Variants in SLC4A10 observed in about 807,000 individuals in gnomAD.
SLC4A10 encodes solute carrier family 4 member 10, also known as sodium-driven chloride bicarbonate exchanger.
SLC4A10 carries 42 observed loss-of-function variants against 137.7 expected under a neutral mutation model. The observed-to-expected ratio is 0.30, with a 90% CI of 0.24 to 0.39. The LOEUF is 0.39. Among genes scored for constraint, SLC4A10 ranks in the 10% least tolerant of loss-of-function variants. SLC4A10 has a pLI of 1.00. For synonymous variants in SLC4A10, 474 were observed against 464.1 expected (o/e 1.02, Z -0.27); for missense variants, 925 against 1,355.0 (o/e 0.68, Z 4.98).
rs1426543298 is a variant in SLC4A10 at position 161,873,666 on chromosome 2, A to G, written c.859-250A>G. 19 of 310,300 alleles carry G rather than the reference A, an allele frequency of 6.1e-5. No individual in the cohort carries two copies. The East Asian group carries it at 9.9e-4, about 16-fold the overall frequency. 19.2% of individuals were successfully genotyped at this position (310,300 alleles called of 1,614,324 possible). A position where few individuals can be genotyped will look rare whatever the true frequency, so the allele number is the denominator to read the frequency against. ...AGTAACTCAGAGTAATATTTTAATAAAGCCCTTAGCACTGGCAATAATTAT... is the reference window on the plus strand; with the variant it reads ...AGTAACTCAGAGTAATATTTTAATAGAGCCCTTAGCACTGGCAATAATTAT... On this transcript the variant is annotated intron_variant, in intron 7 of 26. Coordinates refer to ENST00000446997, the MANE Select transcript of SLC4A10 (RefSeq NM_001178015.2).
At chr2:161,687,685 C>T (rs191992571) in intron 1 of SLC4A10, among the ~76,000 whole-genome samples, 2 of 152,146 alleles carry the variant, frequency 1.3e-5, no homozygotes, top group Admixed American at 6.5e-5. Context: ...ATAATCCCAA[C>T]GTGTCAAGGT....
chr2:161,876,599 G>T (rs966437177), intron 8 of SLC4A10, among the ~76,000 whole-genome samples: 1 of 152,230 alleles, frequency 6.6e-6, no homozygotes, highest in East Asian at 1.9e-4. Flanking sequence ...GATCAGGATG[G>T]CTTGAGCCAG....
intron 1 of SLC4A10, among the ~76,000 whole-genome samples, chr2:161,645,130 T>C (rs1683016152): frequency 6.6e-6 from 1 of 152,118 alleles, no homozygotes; most frequent in South Asian, 2.1e-4. Context: ...AAGTTGTCCT[T>C]AAAAAGGAAA....
rs574482342 is a variant in SLC4A10, at chr2:161,660,556, ATTTCTTTCTTTCTTTCTTTCTTTCTTTC to A, written c.48+36033_48+36060del. On this transcript the variant is annotated intron_variant, in intron 1 of 26. Transcript: ENST00000446997. Reference sequence around the variant, plus strand: ...ATTAATAGTTTGTGTACTCATCTATATTTCTTTCTTTCTTTCTTTCTTTCTTTCTTTCTTTCTTTCTTTCTTTCTTTCT... The same window carrying A: ...ATTAATAGTTTGTGTACTCATCTATATTTCTTTCTTTCTTTCTTTCTTTCT... Among the ~76,000 whole-genome samples, 19 of 110,436 alleles carry A rather than the reference ATTTCTTTCTTTCTTTCTTTCTTTCTTTC, an allele frequency of 1.7e-4. 1 individual carries two copies. Among genetic ancestry groups the A allele is most frequent in the Admixed American group, 1.1e-3 (12 of 10,774 alleles). The allele number at this position is 110,436 out of a possible 152,430, so 72.5% of individuals were successfully genotyped here. A position where few individuals can be genotyped will look rare whatever the true frequency, so the allele number is the denominator to read the frequency against.
chr2:161,905,314 C>G (rs1195594356), intron 14 of SLC4A10, among the ~76,000 whole-genome samples: 3 of 152,144 alleles, frequency 2.0e-5, no homozygotes, highest in African/African-American at 7.2e-5. Context: ...AAGGAGCACA[C>G]AATCTAGATT....
chr2:161,759,709 A>T lies in SLC4A10; in HGVS notation c.49-11264A>T, dbSNP rs370198695. Among the ~76,000 whole-genome samples the T allele has an allele frequency of 2.1e-3, 315 of 151,900 alleles. 1 individual carries two copies. The highest frequency in any genetic ancestry group is 7.2e-3 in the African/African-American group (298 of 41,488). ...TTTAAAATTAAGTTCTTTAAAAAAA[A>T]TTTTGCTATTGAGTTGTATTAGTTT... On this transcript the variant is annotated intron_variant, in intron 1 of 26. Coordinates refer to ENST00000446997, the MANE Select transcript of SLC4A10 (RefSeq NM_001178015.2).
chr2:161,971,831 G>A (rs1294066105), intron 23 of SLC4A10, among the ~76,000 whole-genome samples: 2 of 152,180 alleles, frequency 1.3e-5, no homozygotes, highest in Non-Finnish European at 2.9e-5. Flanking sequence ...ATCTTTAGAG[G>A]TGATGAGTTT....
chr2:161,875,858 T>C (rs1269274770), intron 8 of SLC4A10, among the ~76,000 whole-genome samples: 1 of 152,234 alleles, frequency 6.6e-6, no homozygotes, highest in Non-Finnish European at 1.5e-5. Flanking sequence ...TCAAGATCAC[T>C]GGCGAGTTAG....
At chr2:161,625,977 T>TA (rs890829272) in intron 1 of SLC4A10, among the ~76,000 whole-genome samples, 28 of 152,212 alleles carry the variant, frequency 1.8e-4, no homozygotes, top group African/African-American at 6.7e-4. Context: ...AGTGGAGTTA[T>TA]AAAAAAATAC....
intron 3 of SLC4A10, among the ~76,000 whole-genome samples, chr2:161,812,313 C>T (rs867191756): frequency 6.6e-6 from 1 of 152,042 alleles, no homozygotes. Flanking sequence ...TTTGTGAAGA[C>T]TTTCTTTGCT....
At chr2:161,885,047 A>T (rs1362183221) in intron 10 of SLC4A10, among the ~76,000 whole-genome samples, 1 of 152,042 alleles carries the variant, frequency 6.6e-6, no homozygotes, top group African/African-American at 2.4e-5. Context: ...GTGTGGTGGC[A>T]GGTGCCTGTG....
At chr2:161,935,303 A>G (rs189667618) in intron 15 of SLC4A10, among the ~76,000 whole-genome samples, 1 of 152,262 alleles carries the variant, frequency 6.6e-6, no homozygotes, top group African/African-American at 2.4e-5. Flanking sequence ...TGTATTTTGA[A>G]GTTTGATATT....
chr2:161,831,714 T>C (rs985004391), intron 3 of SLC4A10, among the ~76,000 whole-genome samples: 5 of 152,182 alleles, frequency 3.3e-5, no homozygotes, highest in Non-Finnish European at 7.4e-5. Context: ...GAATTCTTTT[T>C]TCCCCCCTCA....
intron 1 of SLC4A10, among the ~76,000 whole-genome samples, chr2:161,753,669 G>T (rs889046074): frequency 2.6e-5 from 4 of 152,022 alleles, no homozygotes; most frequent in Non-Finnish European, 5.9e-5. Context: ...TTTGATGAAA[G>T]AGTGACCGAT....
At chr2:161,865,150 C>T (rs998616170) in intron 6 of SLC4A10, among the ~76,000 whole-genome samples, 2 of 151,738 alleles carry the variant, frequency 1.3e-5, no homozygotes, top group Non-Finnish European at 2.9e-5. Flanking sequence ...TTTACTATAA[C>T]AATAATTTCA....
intron 1 of SLC4A10, among the ~76,000 whole-genome samples, chr2:161,719,372 A>G (rs1378650956): frequency 2.6e-5 from 4 of 152,188 alleles, no homozygotes; most frequent in Non-Finnish European, 5.9e-5. Context: ...ATACATGTGC[A>G]TGTGTCTTTA....
chr2:161,826,259 C>T (rs2058014586), intron 3 of SLC4A10, among the ~76,000 whole-genome samples: 1 of 152,102 alleles, frequency 6.6e-6, no homozygotes, highest in Non-Finnish European at 1.5e-5. Flanking sequence ...AATATGGATT[C>T]ATCTGAACTA....
chr2:161,731,733 T>A (rs1369597718), intron 1 of SLC4A10, among the ~76,000 whole-genome samples: 1 of 152,182 alleles, frequency 6.6e-6, no homozygotes, highest in Non-Finnish European at 1.5e-5. Flanking sequence ...ATCTCTGTTT[T>A]TTGATGGGTT....
At position 161,949,372 on chromosome 2, in the gene SLC4A10, T is replaced by C; in HGVS notation, c.2379+111T>C. On this transcript the variant is annotated intron_variant, in intron 18 of 26. Transcript: ENST00000446997. The stretch of plus-strand genomic sequence containing the variant: ...TCATGAAAATATGAAGAATTTAGAT[T>C]AGAAGACCAGTAAATGAAATGCACA... 7.6e-6 allele frequency: 5 copies of C among 655,198 alleles called. No individual in the cohort carries two copies. In the South Asian group the frequency reaches 1.1e-4, roughly 15 times the overall value. 40.6% of individuals were successfully genotyped at this position (655,198 alleles called of 1,614,324 possible). A position where few individuals can be genotyped will look rare whatever the true frequency, so the allele number is the denominator to read the frequency against.
Sources: gnomAD v4.1 joint callset for allele counts (sites outside exome capture counted in the v4.1 genomes callset) on GRCh38, gnomAD v4.1.1 for gene constraint, MANE v1.5 for transcripts, NCBI Gene and HGNC (gene_info 2026-07-23, HGNC 2026-07-21) for gene names.